CADM2: variants seen among roughly 807,000 people sequenced by gnomAD.
CADM2 encodes the protein immunoglobulin superfamily member 4D.
In CADM2, 12 loss-of-function variants were observed where a neutral mutation model predicts 49.8. The ratio of observed to expected loss-of-function variants is 0.24; its 90% CI spans 0.15 to 0.39. The LOEUF (loss-of-function observed/expected upper bound fraction) is 0.39. Among genes scored for constraint, CADM2 ranks in the 10% least tolerant of loss-of-function variants. CADM2 has a pLI of 1.00. For synonymous variants in CADM2, 214 were observed against 175.4 expected (o/e 1.22, Z -1.74); for missense variants, 378 against 492.3 (o/e 0.77, Z 2.20).
chr3:85,765,912 T>A (rs574013424), intron 2 of CADM2, among the ~76,000 whole-genome samples: 2 of 152,210 alleles, frequency 1.3e-5, no homozygotes, highest in African/African-American at 4.8e-5. Flanking sequence ...AGTGCTCAGA[T>A]CACATTTGAT....
At chr3:85,275,321 A>C (rs533724130) in intron 1 of CADM2, among the ~76,000 whole-genome samples, 2 of 151,558 alleles carry the variant, frequency 1.3e-5, no homozygotes, top group East Asian at 3.9e-4. Context: ...ATACTTTTAT[A>C]TTATGCATGA....
intron 1 of CADM2, among the ~76,000 whole-genome samples, chr3:85,215,394 T>C (rs113847046): frequency 0.062 from 9,289 of 150,420 alleles, 994 homozygotes; most frequent in African/African-American, 0.22. Context: ...AAAAAAACTT[T>C]TATTTTAAGT....
In CADM2 at chr3:85,525,177, T is replaced by C. The variant is rs541622834; in HGVS notation, c.62-201345T>C. Among the ~76,000 whole-genome samples, 4 of 152,244 alleles carry C rather than the reference T, an allele frequency of 2.6e-5. No homozygotes were observed. In the East Asian group the frequency reaches 7.7e-4, roughly 29 times the overall value. On this transcript the variant is annotated intron_variant, in intron 1 of 9. Coordinates refer to ENST00000383699, the MANE Select transcript of CADM2 (RefSeq NM_001167675.2). ...TAGTAAAAAATTAAAAAATAAAACA[T>C]AAAGTTTTACATATTAAAATAGTTT...
chr3:85,336,199 T>C (rs1252119552), intron 1 of CADM2, among the ~76,000 whole-genome samples: 2 of 151,532 alleles, frequency 1.3e-5, no homozygotes, highest in Non-Finnish European at 1.5e-5. Flanking sequence ...AATCTCCTCA[T>C]TGCCAAGTGG....
At chr3:85,043,933 G>A (rs1040358690) in intron 1 of CADM2, among the ~76,000 whole-genome samples, 1 of 151,928 alleles carries the variant, frequency 6.6e-6, no homozygotes, top group Non-Finnish European at 1.5e-5. Context: ...ATCATAAATA[G>A]GCAGCATGCT....
At chr3:85,111,537 T>G (rs2038457477) in intron 1 of CADM2, among the ~76,000 whole-genome samples, 2 of 151,860 alleles carry the variant, frequency 1.3e-5, no homozygotes, top group African/African-American at 4.8e-5. Context: ...TCATACGTTC[T>G]CACTTATTTG....
At position 85,502,481 on chromosome 3, in the gene CADM2, T is replaced by TA. The variant is rs551280466; in HGVS notation, c.62-224032dup. Among the ~76,000 whole-genome samples, 90 of 150,554 alleles carry TA rather than the reference T, an allele frequency of 6.0e-4. No homozygotes were observed. In the South Asian group the frequency reaches 7.0e-3, roughly 12 times the overall value. Reference sequence around the variant, plus strand: ...GGGTTCATAGTGTCATATATATTGTTAAAAAAAAAGAAAAAGAAAAAGAGA... The same window carrying TA: ...GGGTTCATAGTGTCATATATATTGTTAAAAAAAAAAGAAAAAGAAAAAGAGA... On this transcript the variant is annotated intron_variant, in intron 1 of 9. Coordinates refer to ENST00000383699, the MANE Select transcript of CADM2 (RefSeq NM_001167675.2).
intron 1 of CADM2, among the ~76,000 whole-genome samples, chr3:85,606,408 C>T (rs992843884): frequency 3.9e-5 from 6 of 151,954 alleles, no homozygotes; most frequent in Non-Finnish European, 5.9e-5. Context: ...TTGGAGTGCC[C>T]GCAGCTTAGT....
At chr3:85,471,619 T>C (rs938015336) in intron 1 of CADM2, among the ~76,000 whole-genome samples, 6 of 152,018 alleles carry the variant, frequency 3.9e-5, no homozygotes, top group African/African-American at 1.4e-4. Flanking sequence ...CAAAGAAACT[T>C]TAAAAAATTC....
chr3:85,411,953 A>T (rs1479544095), intron 1 of CADM2, among the ~76,000 whole-genome samples: 1 of 151,980 alleles, frequency 6.6e-6, no homozygotes, highest in East Asian at 1.9e-4. Flanking sequence ...TCAACCTCCC[A>T]AGTCACTGTG....
intron 1 of CADM2, among the ~76,000 whole-genome samples, chr3:85,151,048 A>AGAGCAATGGT (rs2039907094): frequency 6.6e-6 from 1 of 152,060 alleles, no homozygotes; most frequent in Admixed American, 6.6e-5. Flanking sequence ...ATTTTCTTCC[A>AGAGCAATGGT]AGTTCTGTGA....
chr3:86,035,215 T>C (rs1284480998), intron 8 of CADM2, among the ~76,000 whole-genome samples: 3 of 152,084 alleles, frequency 2.0e-5, no homozygotes, highest in African/African-American at 7.2e-5. Flanking sequence ...TCCCCATAGG[T>C]CGTGATCTCT....
chr3:85,167,380 A>G (rs1430279481), intron 1 of CADM2, among the ~76,000 whole-genome samples: 1 of 152,086 alleles, frequency 6.6e-6, no homozygotes, highest in African/African-American at 2.4e-5. Flanking sequence ...AGAGAAATAC[A>G]TAATAAAATG....
intron 1 of CADM2, among the ~76,000 whole-genome samples, chr3:85,497,117 T>C (rs1395600410): frequency 6.6e-6 from 1 of 152,214 alleles, no homozygotes; most frequent in Non-Finnish European, 1.5e-5. Context: ...GTGCTGGGAT[T>C]ACAGGCATGA....
intron 1 of CADM2, among the ~76,000 whole-genome samples, chr3:85,697,307 T>C (rs954141027): frequency 8.6e-5 from 13 of 151,980 alleles, no homozygotes; most frequent in Admixed American, 3.3e-4. Flanking sequence ...ATATGTGATT[T>C]AGCTGACAGA....
At chr3:85,809,727 C>CCT (rs2072707608) in intron 3 of CADM2, among the ~76,000 whole-genome samples, 1 of 119,288 alleles carries the variant, frequency 8.4e-6, no homozygotes, top group African/African-American at 3.4e-5. Flanking sequence ...TTCGTTCCTT[C>CCT]CCTCCCTCCC....
intron 1 of CADM2, among the ~76,000 whole-genome samples, chr3:85,299,661 G>T (rs1221207128): frequency 6.6e-6 from 1 of 151,958 alleles, no homozygotes; most frequent in East Asian, 1.9e-4. Flanking sequence ...TTCAGAGGTT[G>T]GTCTGGGGTG....
intron 1 of CADM2, among the ~76,000 whole-genome samples, chr3:85,464,363 A>C (rs1045214182): frequency 6.6e-6 from 1 of 152,190 alleles, no homozygotes; most frequent in African/African-American, 2.4e-5. Flanking sequence ...TGAAAAGTAC[A>C]AAAAGAAAAG....
intron 3 of CADM2, among the ~76,000 whole-genome samples, chr3:85,810,378 A>G (rs2072778371): frequency 6.6e-6 from 1 of 152,140 alleles, no homozygotes; most frequent in Admixed American, 6.6e-5. Context: ...TATCATGCAT[A>G]CACAGAGATT....
Sources: allele counts gnomAD v4.1 joint callset (sites outside exome capture counted in the v4.1 genomes callset), GRCh38; gene constraint gnomAD v4.1.1; transcripts MANE v1.5; gene names NCBI Gene and HGNC (gene_info 2026-07-23, HGNC 2026-07-21).